Variants in DGAT2 observed in about 807,000 individuals in gnomAD.
DGAT2 encodes the protein diacylglycerol O-acyltransferase 2.
DGAT2 carries 33 observed loss-of-function variants against 48.4 expected under a neutral mutation model. The ratio of observed to expected loss-of-function variants is 0.68; its 90% CI spans 0.52 to 0.91. The LOEUF (loss-of-function observed/expected upper bound fraction) is 0.91, where lower values mean the gene tolerates loss of function less well. Among genes scored for constraint, DGAT2 ranks in the 40% least tolerant of loss-of-function variants. The pLI is 0.00. For synonymous variants in DGAT2, 191 were observed against 194.1 expected (o/e 0.98, Z 0.13); for missense variants, 446 against 493.7 (o/e 0.90, Z 0.92).
chr11:75,787,290 A>C (rs979477780), intron 2 of DGAT2, among the ~76,000 whole-genome samples: 1 of 152,198 alleles, frequency 6.6e-6, no homozygotes, highest in Non-Finnish European at 1.5e-5. Context: ...ATCATATTTA[A>C]TTTTCCCAAT....
chr11:75,799,381 A>G (rs1945088331), intron 7 of DGAT2, among the ~76,000 whole-genome samples: 1 of 152,160 alleles, frequency 6.6e-6, no homozygotes, highest in South Asian at 2.1e-4. Flanking sequence ...AGAAAAATGG[A>G]AGCCACGAGA....
intron 1 of DGAT2, among the ~76,000 whole-genome samples, chr11:75,780,764 C>T (rs1944854903): frequency 6.6e-6 from 1 of 152,248 alleles, no homozygotes; most frequent in Non-Finnish European, 1.5e-5. Flanking sequence ...TCAGCTTTGC[C>T]AGCATCTGGC....
intron 1 of DGAT2, among the ~76,000 whole-genome samples, chr11:75,772,804 A>G (rs1341300098): frequency 2.0e-5 from 3 of 152,116 alleles, no homozygotes; most frequent in Non-Finnish European, 2.9e-5. Flanking sequence ...CCTGGCTGAC[A>G]TGGTAAAACC....
intron 2 of DGAT2, among the ~76,000 whole-genome samples, chr11:75,787,346 G>A (rs181013558): frequency 4.2e-4 from 64 of 152,366 alleles, no homozygotes; most frequent in African/African-American, 1.2e-3. Context: ...TGGCCAGCAA[G>A]TGGCAGGGCC....
At position 75,784,860 on chromosome 11, in the gene DGAT2, A is replaced by T. The variant is rs113391874; in HGVS notation, c.250+114A>T. On this transcript the variant is annotated intron_variant, in intron 2 of 7. Coordinates refer to ENST00000228027, the MANE Select transcript of DGAT2 (RefSeq NM_032564.5). Reference sequence around the variant, plus strand: ...GAGGGAATAAGAGTAACTCTTACACATGCTGCCCCACAGCACCTTTCCACA... The same window carrying T: ...GAGGGAATAAGAGTAACTCTTACACTTGCTGCCCCACAGCACCTTTCCACA... The T allele has an allele frequency of 1.8e-5, 26 of 1,415,490 alleles. 1 individual carries two copies. In the Admixed American group the frequency reaches 5.1e-4, roughly 28 times the overall value. 87.7% of individuals were successfully genotyped at this position (1,415,490 alleles called of 1,614,324 possible).
Position 75,798,343 on chromosome 11 carries a change from T to C in DGAT2, c.926T>C (p.Phe309Ser). 6.2e-7 allele frequency: 1 copy of C among 1,614,148 alleles called. No individual in the cohort carries two copies. Among genetic ancestry groups the C allele is most frequent in the Non-Finnish European group, 8.5e-7 (1 of 1,180,030 alleles). ...VQKKFQKYIG[F>S]APCIFHGRGL... is the part of the protein sequence containing the mutation. ...AAGAAGTTCCAGAAATACATTGGTT[T>C]CGCCCCATGCATCTTCCATGGTCGA... Residue 309 changes from phenylalanine (F) to serine (S), a missense_variant, in exon 7 of 8, where the codon TTC becomes TCC. Phe to Ser is a radical substitution (Grantham distance 155). Transcript: ENST00000228027.
chr11:75,794,960 C>T (rs1279763170), intron 4 of DGAT2: 3 of 138,888 alleles, frequency 2.2e-5, no homozygotes, highest in Non-Finnish European at 4.7e-5. Context: ...GTTCCTCTCC[C>T]CTCTCCTCCG....
intron 4 of DGAT2, chr11:75,792,974 G>A (rs1945007626): frequency 6.6e-6 from 1 of 152,240 alleles, no homozygotes; most frequent in Admixed American, 6.5e-5. Context: ...GTAAACTTAA[G>A]CAAGCCTTTG....
chr11:75,798,522 C>CAGG, intron 7 of DGAT2, 93 bp downstream of exon 7: 1 of 1,423,096 alleles, frequency 7.0e-7, no homozygotes, highest in Non-Finnish European at 9.6e-7. Flanking sequence ...TGCAGGCCAC[C>CAGG]TGGCTCTGAT....
intron 2 of DGAT2, among the ~76,000 whole-genome samples, chr11:75,785,718 G>A (rs1187661540): frequency 1.3e-5 from 2 of 152,234 alleles, no homozygotes; most frequent in African/African-American, 2.4e-5. Flanking sequence ...CTTCGGGACT[G>A]TATAGGCTGG....
chr11:75,768,812 T>C lies in DGAT2; in HGVS notation c.-180T>C. 1.3e-6 allele frequency: 1 copy of C among 744,748 alleles called. No individual in the cohort carries two copies. Among genetic ancestry groups the C allele is most frequent in the East Asian group, 3.4e-5 (1 of 29,182 alleles). 46.1% of individuals were successfully genotyped at this position (744,748 alleles called of 1,614,324 possible). ...GCCGCCTCTGCTGGGGTCTAGGCTG[T>C]TTCTCTCGCGCCACCACTGGCCGCC... is the stretch of plus-strand genomic sequence containing the variant. On this transcript the variant is annotated 5_prime_UTR_variant, in exon 1 of 8. Coordinates refer to ENST00000228027, the MANE Select transcript of DGAT2 (RefSeq NM_032564.5).
rs75710282 is a variant in DGAT2, at chr11:75,795,940, C to G, written c.430-388C>G. Reference sequence around the variant, plus strand: ...CTTTACTCACATGAAGCCAGACACACTCTCCAGTCTAAGAGTGACAAGGGT... The same window carrying G: ...CTTTACTCACATGAAGCCAGACACAGTCTCCAGTCTAAGAGTGACAAGGGT... On this transcript the variant is annotated intron_variant, in intron 4 of 7. Transcript: ENST00000228027. 1,184 of 189,830 alleles carry G rather than the reference C, an allele frequency of 6.2e-3. 15 individuals carry two copies. The highest frequency in any genetic ancestry group is 0.025 in the African/African-American group (1,090 of 42,956). The allele number at this position is 189,830 out of a possible 1,614,324, so 11.8% of individuals were successfully genotyped here.
chr11:75,769,563 C>T (rs974499328), intron 1 of DGAT2, among the ~76,000 whole-genome samples: 2 of 152,140 alleles, frequency 1.3e-5, no homozygotes, highest in Admixed American at 6.5e-5. Flanking sequence ...GGCTCTGGAG[C>T]CCACATAGCA....
intron 2 of DGAT2, 37 bp from the exon 3 acceptor site, chr11:75,790,151 C>A (rs1356908063): frequency 1.8e-5 from 26 of 1,477,114 alleles, no homozygotes; most frequent in Admixed American, 3.3e-5. Flanking sequence ...GGAGATGAAG[C>A]CCAGTAGGAC....
Position 75,800,686 on chromosome 11 carries a change from T to A in DGAT2, c.*178T>A. 1 of 835,468 alleles carries A rather than the reference T, an allele frequency of 1.2e-6. No individual in the cohort carries two copies. Among genetic ancestry groups the A allele is most frequent in the Admixed American group, 3.0e-5 (1 of 33,594 alleles). 51.8% of individuals were successfully genotyped at this position (835,468 alleles called of 1,614,324 possible). A position where few individuals can be genotyped will look rare whatever the true frequency, so the allele number is the denominator to read the frequency against. On this transcript the variant is annotated 3_prime_UTR_variant, in exon 8 of 8. Coordinates refer to ENST00000228027, the MANE Select transcript of DGAT2 (RefSeq NM_032564.5). Reference sequence around the variant, plus strand: ...GAAAAAGTCAGTATTTCAAGTTCTTTCACTTCCAGCTTGCCCTGTTCTAGG... The same window carrying A: ...GAAAAAGTCAGTATTTCAAGTTCTTACACTTCCAGCTTGCCCTGTTCTAGG...
chr11:75,799,355 G>C (rs531064259), intron 7 of DGAT2, among the ~76,000 whole-genome samples: 1 of 152,296 alleles, frequency 6.6e-6, no homozygotes, highest in South Asian at 2.1e-4. Context: ...TGGAGCTGCT[G>C]GATGGAAGAT....
At chr11:75,769,776 G>A (rs1240512692) in intron 1 of DGAT2, among the ~76,000 whole-genome samples, 1 of 152,094 alleles carries the variant, frequency 6.6e-6, no homozygotes, top group Non-Finnish European at 1.5e-5. Flanking sequence ...GAAGTGGGAG[G>A]AAGCATGCCT....
intron 1 of DGAT2, among the ~76,000 whole-genome samples, chr11:75,774,457 A>G (rs1333866209): frequency 1.3e-5 from 2 of 152,230 alleles, no homozygotes; most frequent in African/African-American, 4.8e-5. Flanking sequence ...TCCTTTTCTT[A>G]TTAGAGCAGA....
chr11:75,785,205 T>A (rs2135768896), intron 2 of DGAT2, among the ~76,000 whole-genome samples: 1 of 152,320 alleles, frequency 6.6e-6, no homozygotes, highest in Admixed American at 6.5e-5. Flanking sequence ...TTACACAGGT[T>A]ATTTGAGCTC....
Sources: gnomAD v4.1 joint callset for allele counts (sites outside exome capture counted in the v4.1 genomes callset) on GRCh38, gnomAD v4.1.1 for gene constraint, MANE v1.5 for transcripts, NCBI Gene and HGNC (gene_info 2026-07-23, HGNC 2026-07-21) for gene names.